Variants in BLACAT1 observed in about 807,000 individuals in gnomAD.
BLACAT1 encodes the protein BLACAT1 overlapping LEMD1 locus, also known as bladder cancer associated transcript 1.
intron 1 of BLACAT1, among the ~76,000 whole-genome samples, chr1:205,453,216 C>T (rs759704919): frequency 3.3e-5 from 5 of 152,164 alleles, no homozygotes; most frequent in African/African-American, 9.7e-5. Context: ...CCAGAACCAA[C>T]GCACGAGAAG....
intron 1 of BLACAT1, among the ~76,000 whole-genome samples, chr1:205,446,730 G>A (rs998086301): frequency 6.6e-6 from 1 of 152,196 alleles, no homozygotes; most frequent in African/African-American, 2.4e-5. Context: ...TGGACAATGA[G>A]GGAGGTGGAG....
rs1459015340 is a variant in BLACAT1, at chr1:205,450,301, T to C, written c.-37+5616A>G. Among the ~76,000 whole-genome samples the C allele has an allele frequency of 2.0e-5, 3 of 151,948 alleles. No individual in the cohort carries two copies. The highest frequency in any genetic ancestry group is 2.4e-5 in the African/African-American group (1 of 41,372). On this transcript the variant is annotated intron_variant, in intron 1 of 1. Transcript: ENST00000629624. This position sits in a 1 kb window ranked among gnomAD's most constrained non-coding sequence, Gnocchi z 4.4. Reference sequence around the variant, plus strand: ...TTACTCACGTCCCCCTGCCGGGCTATTGGTGCAGAGGGGCTGTTTGGTCCC... The same window carrying C: ...TTACTCACGTCCCCCTGCCGGGCTACTGGTGCAGAGGGGCTGTTTGGTCCC...
chr1:205,449,090 G>C (rs544360655), intron 1 of BLACAT1, among the ~76,000 whole-genome samples: 1 of 152,244 alleles, frequency 6.6e-6, no homozygotes, highest in Non-Finnish European at 1.5e-5. Flanking sequence ...CCCAAGCTGA[G>C]GGCAGCTCAC....
intron 1 of BLACAT1, among the ~76,000 whole-genome samples, chr1:205,453,182 G>T (rs932595913): frequency 6.6e-6 from 1 of 152,172 alleles, no homozygotes; most frequent in East Asian, 1.9e-4. Context: ...TGGTTGAGAC[G>T]GATCTGTGGG....
chr1:205,446,540 C>T (rs1270679119), intron 1 of BLACAT1, among the ~76,000 whole-genome samples: 2 of 152,234 alleles, frequency 1.3e-5, no homozygotes, highest in South Asian at 2.1e-4. Context: ...GGGGACTACC[C>T]GGGCAAACTG....
chr1:205,447,579 G>A (rs572976951), intron 1 of BLACAT1, among the ~76,000 whole-genome samples: 14 of 152,170 alleles, frequency 9.2e-5, no homozygotes, highest in African/African-American at 3.4e-4. Flanking sequence ...TTAAAAGGGG[G>A]CAGGGGAAGG....
chr1:205,449,589 G>GCA, intron 1 of BLACAT1, among the ~76,000 whole-genome samples: 1 of 152,040 alleles, frequency 6.6e-6, no homozygotes, highest in South Asian at 2.1e-4. Context: ...GCACAGCACA[G>GCA]CACACAGCAC....
At chr1:205,442,849 G>A (rs1480897665) in intron 1 of BLACAT1, among the ~76,000 whole-genome samples, 2 of 152,194 alleles carry the variant, frequency 1.3e-5, no homozygotes, top group Non-Finnish European at 2.9e-5. Context: ...CCTAGAGAGA[G>A]ACGGGGATCC....
chr1:205,436,724 G>A (rs1177449820), downstream of BLACAT1: 1 of 152,168 alleles, frequency 6.6e-6, no homozygotes, highest in Non-Finnish European at 1.5e-5. Flanking sequence ...TCACCTGCTG[G>A]ACATAGCAGC....
chr1:205,451,872 C>T (rs1022528772), intron 1 of BLACAT1, among the ~76,000 whole-genome samples: 2 of 151,918 alleles, frequency 1.3e-5, no homozygotes, highest in African/African-American at 4.8e-5. Context: ...TTGATGGAGG[C>T]TACAACTTGC....
rs1226837866 is a variant in BLACAT1 at position 205,441,218 on chromosome 1, G to C, written c.-36-156C>G. 6.6e-6 allele frequency among the ~76,000 whole-genome samples: 1 copy of C among 152,166 alleles called. No individual in the cohort carries two copies. The highest frequency in any genetic ancestry group is 1.5e-5 in the Non-Finnish European group (1 of 68,034). ...GTCTCTCACACCGGCTGGGGGAGGA[G>C]TCAAGCCTCTAAACAACAGCTCTTT... On this transcript the variant is annotated intron_variant, in intron 1 of 1. Transcript: ENST00000629624. The surrounding 1 kb of genome is among the most constrained non-coding windows in gnomAD (Gnocchi z 4.3).
chr1:205,450,418 C>T lies in BLACAT1; in HGVS notation c.-37+5499G>A, dbSNP rs891660049. 1.1e-4 allele frequency among the ~76,000 whole-genome samples: 16 copies of T among 150,574 alleles called. 3 individuals are homozygous for T. In the South Asian group the frequency reaches 2.8e-3, roughly 26 times the overall value. ...TTAATTTTTGGCAGGAGACCTGAGACGGCTCCCTGCAGGCCCCCCTCTCCT... is the reference window on the plus strand; with the variant it reads ...TTAATTTTTGGCAGGAGACCTGAGATGGCTCCCTGCAGGCCCCCCTCTCCT... On this transcript the variant is annotated intron_variant, in intron 1 of 1. Coordinates refer to ENST00000629624, the Ensembl canonical transcript of BLACAT1. The surrounding 1 kb of genome is among the most constrained non-coding windows in gnomAD (Gnocchi z 4.4).
chr1:205,452,364 T>C (rs1353841520), intron 1 of BLACAT1, among the ~76,000 whole-genome samples: 1 of 152,036 alleles, frequency 6.6e-6, no homozygotes, highest in Non-Finnish European at 1.5e-5. Context: ...GCCAGAAAAG[T>C]GAACCATTAC....
chr1:205,439,842 T>A (rs2102463369), downstream of BLACAT1, among the ~76,000 whole-genome samples: 1 of 151,404 alleles, frequency 6.6e-6, no homozygotes, highest in Admixed American at 6.6e-5. Flanking sequence ...TATACCAAAA[T>A]GAAGGGAGAG....
chr1:205,453,479 G>A (rs1158345656), intron 1 of BLACAT1, among the ~76,000 whole-genome samples: 1 of 152,204 alleles, frequency 6.6e-6, no homozygotes, highest in East Asian at 1.9e-4. Flanking sequence ...GAGCAGGAAA[G>A]CACAATTTTT....
chr1:205,452,866 T>C (rs771144010), intron 1 of BLACAT1, among the ~76,000 whole-genome samples: 18 of 152,294 alleles, frequency 1.2e-4, no homozygotes, highest in African/African-American at 4.1e-4. Flanking sequence ...TCTATGGATG[T>C]TGGCTGAATG....
At chr1:205,442,948 G>A (rs941967037) in intron 1 of BLACAT1, among the ~76,000 whole-genome samples, 16 of 152,100 alleles carry the variant, frequency 1.1e-4, no homozygotes, top group African/African-American at 3.9e-4. Flanking sequence ...ATCTCTCTGG[G>A]CCTTCATTAC....
intron 1 of BLACAT1, among the ~76,000 whole-genome samples, chr1:205,452,952 T>C (rs113912058): frequency 5.9e-5 from 9 of 152,220 alleles, no homozygotes; most frequent in African/African-American, 1.9e-4. Flanking sequence ...TAAGCTCTCC[T>C]GTATTTCAGG....
chr1:205,445,253 T>A (rs1666368059), intron 1 of BLACAT1, among the ~76,000 whole-genome samples: 1 of 152,114 alleles, frequency 6.6e-6, no homozygotes, highest in South Asian at 2.1e-4. Context: ...AAGCCTAGCC[T>A]CTGCAGGTTT....
Sources: allele counts gnomAD v4.1 joint callset (sites outside exome capture counted in the v4.1 genomes callset), GRCh38; gene constraint gnomAD v4.1.1; non-coding constraint Gnocchi (gnomAD v3.1); transcripts MANE v1.5; gene names NCBI Gene and HGNC (gene_info 2026-07-23, HGNC 2026-07-21).